The following COP1 variants were observed in gnomAD, a reference collection of about 807,000 sequenced individuals.
The protein encoded by COP1 is E3 ubiquitin-protein ligase COP1.
Under a neutral mutation model 101.3 loss-of-function variants are expected in COP1, and 24 were observed. That is an observed-to-expected ratio of 0.24 (90% CI 0.17 to 0.33). The LOEUF (loss-of-function observed/expected upper bound fraction) is 0.33. Among genes scored for constraint, COP1 ranks in the 10% least tolerant of loss-of-function variants. The pLI, the probability that COP1 is intolerant of heterozygous loss-of-function variation, is 1.00. For synonymous variants in COP1, 347 were observed against 341.9 expected, an observed-to-expected ratio of 1.01 and a Z score of -0.17; for missense variants, 663 against 906.2, an observed-to-expected ratio of 0.73 and a Z score of 3.45.
intron 5 of COP1, among the ~76,000 whole-genome samples, chr1:176,161,663 A>T (rs752720770): frequency 6.6e-6 from 1 of 152,080 alleles, no homozygotes; most frequent in Non-Finnish European, 1.5e-5. Flanking sequence ...TGCTTTACTG[A>T]TTTAGTTCAC....
At position 176,019,239 on chromosome 1, in the gene COP1, C is replaced by T. The variant is rs943810053; in HGVS notation, c.1729+8333G>A. On this transcript the variant is annotated intron_variant, in intron 15 of 19. Coordinates refer to ENST00000367669, the MANE Select transcript of COP1 (RefSeq NM_022457.7). ...CAGCACTTTGGGAGGCCGAGGCGGGCGGATCACGAGGTCAGGAGTTCGCGA... is the reference window on the plus strand; with the variant it reads ...CAGCACTTTGGGAGGCCGAGGCGGGTGGATCACGAGGTCAGGAGTTCGCGA... Among the ~76,000 whole-genome samples the T allele has an allele frequency of 1.7e-4, 25 of 151,214 alleles. No homozygotes were observed. In the Middle Eastern group the frequency reaches 0.01, roughly 63 times the overall value.
rs139623288 is a variant in COP1, at chr1:176,020,496, T to G, written c.1729+7076A>C. On this transcript the variant is annotated intron_variant, in intron 15 of 19. Coordinates refer to ENST00000367669, the MANE Select transcript of COP1 (RefSeq NM_022457.7). ...AAGTTCGAGTCCAGCCTGGCCAACA[T>G]GGTGAAACCCCATCTCTGCAAAACT... Among the ~76,000 whole-genome samples the G allele has an allele frequency of 1.7e-3, 257 of 151,954 alleles. 1 individual carries two copies. Among genetic ancestry groups the G allele is most frequent in the African/African-American group, 5.9e-3 (246 of 41,450 alleles).
intron 9 of COP1, among the ~76,000 whole-genome samples, chr1:176,113,960 T>TTA (rs397982029): frequency 2.0e-5 from 3 of 151,020 alleles, no homozygotes; most frequent in Admixed American, 6.6e-5. Context: ...TTTTTTTTTT[T>TTA]ATAGTTTGCA....
In COP1 at chr1:176,049,729, A is replaced by G. The variant is rs911198101; in HGVS notation, c.1278-3405T>C. On this transcript the variant is annotated intron_variant, in intron 11 of 19. Transcript: ENST00000367669. Reference sequence around the variant, plus strand: ...GAACATAATGAGATTCTAAAAACAGATCATGAACTAACTGAAATGAACACT... The same window carrying G: ...GAACATAATGAGATTCTAAAAACAGGTCATGAACTAACTGAAATGAACACT... Among the ~76,000 whole-genome samples the G allele has an allele frequency of 3.3e-5, 5 of 152,290 alleles. 1 individual carries two copies. In the South Asian group the frequency reaches 1.0e-3, roughly 32 times the overall value.
chr1:176,061,209 C>A (rs945598735), intron 11 of COP1, among the ~76,000 whole-genome samples: 1 of 152,092 alleles, frequency 6.6e-6, no homozygotes, highest in African/African-American at 2.4e-5. Context: ...TACAACAGAA[C>A]AGACAGTTAA....
intron 14 of COP1, among the ~76,000 whole-genome samples, chr1:176,036,517 A>C (rs74439428): frequency 6.7e-6 from 1 of 150,008 alleles, no homozygotes; most frequent in Non-Finnish European, 1.5e-5. Flanking sequence ...CAAAAAAAAA[A>C]AAAAAAAAAG....
intron 2 of COP1, among the ~76,000 whole-genome samples, chr1:176,181,582 C>T (rs1040930555): frequency 1.5e-4 from 23 of 152,120 alleles, no homozygotes; most frequent in Admixed American, 2.0e-4. Flanking sequence ...GTGGCTCACG[C>T]TTGTAATCCC....
intron 15 of COP1, among the ~76,000 whole-genome samples, chr1:176,007,040 G>A (rs1184288292): frequency 6.6e-6 from 1 of 152,048 alleles, no homozygotes; most frequent in Admixed American, 6.5e-5. Flanking sequence ...TGGAGGCTTT[G>A]CTCATTTCTT....
chr1:176,114,034 C>T lies in COP1; in HGVS notation c.1026+2590G>A, dbSNP rs1411614841. On this transcript the variant is annotated intron_variant, in intron 9 of 19. Transcript: ENST00000367669. ...TGGAGTGATCTTGCTTTTTGTTTCG[C>T]TTCATCAGTCACAGGGAGTAGCCTT... Among the ~76,000 whole-genome samples, 4 of 150,608 alleles carry T rather than the reference C, an allele frequency of 2.7e-5. No individual in the cohort carries two copies. In the Admixed American group the frequency reaches 2.7e-4, roughly 10 times the overall value.
chr1:175,952,839 CCTAGGAGTTTGAGGCTGCAGTGAG>C (rs1650121512), intron 18 of COP1, among the ~76,000 whole-genome samples: 1 of 152,120 alleles, frequency 6.6e-6, no homozygotes, highest in African/African-American at 2.4e-5. Flanking sequence ...ATCTCTTGAG[CCTAGGAGTTTGAGGCTGCAGTGAG>C]CTATGGTTGC....
In COP1 at chr1:176,205,585, C is replaced by T. The variant is rs1000857900; in HGVS notation, c.407+987G>A. 5.3e-5 allele frequency among the ~76,000 whole-genome samples: 8 copies of T among 152,156 alleles called. 1 individual carries two copies. The highest frequency in any genetic ancestry group is 2.0e-4 in the Admixed American group (3 of 15,280). ...AACAATTTCCTCAAAAAGGAAAGTA[C>T]GAAACACTACCACTTCTTAAGCAGC... On this transcript the variant is annotated intron_variant, in intron 1 of 19. Transcript: ENST00000367669.
At chr1:176,152,667 C>T (rs1183629162) in intron 5 of COP1, among the ~76,000 whole-genome samples, 3 of 152,056 alleles carry the variant, frequency 2.0e-5, no homozygotes, top group Admixed American at 6.6e-5. Flanking sequence ...AGGCTGGTCT[C>T]GAACTCCTAA....
chr1:176,011,237 A>G (rs1002466682), intron 15 of COP1, among the ~76,000 whole-genome samples: 2 of 152,206 alleles, frequency 1.3e-5, no homozygotes, highest in Non-Finnish European at 1.5e-5. Context: ...ATATAAAATT[A>G]AACTAAAACT....
intron 15 of COP1, among the ~76,000 whole-genome samples, chr1:176,003,712 T>A (rs1418289448): frequency 6.6e-6 from 1 of 151,728 alleles, no homozygotes; most frequent in Non-Finnish European, 1.5e-5. Flanking sequence ...TGATCTATAT[T>A]TCTGTTTTGG....
rs376081623 is a variant in COP1, at chr1:176,050,398, T to C, written c.1278-4074A>G. ...GTGAATTTTGTCAGTGTTTCCAATG[T>C]CTCTCATATCTTTTTGCAATTATAA... On this transcript the variant is annotated intron_variant, in intron 11 of 19. Coordinates refer to ENST00000367669, the MANE Select transcript of COP1 (RefSeq NM_022457.7). Among the ~76,000 whole-genome samples the C allele has an allele frequency of 1.2e-4, 19 of 152,348 alleles. No homozygotes were observed. In the East Asian group the frequency reaches 2.9e-3, roughly 23 times the overall value.
intron 15 of COP1, among the ~76,000 whole-genome samples, chr1:176,016,811 A>G (rs528509500): frequency 7.9e-5 from 12 of 152,298 alleles, no homozygotes; most frequent in Middle Eastern, 6.8e-3. Flanking sequence ...AAATTTATCT[A>G]CTTAAATCAG....
intron 14 of COP1, among the ~76,000 whole-genome samples, chr1:176,038,740 C>A (rs564059064): frequency 1.4e-4 from 21 of 151,862 alleles, no homozygotes; most frequent in Admixed American, 1.2e-3. Context: ...ATCGCTTGAA[C>A]CCGGGAGGCG....
rs568864054 is a variant in COP1, at chr1:176,193,162, G to C, written c.408-8470C>G. Among the ~76,000 whole-genome samples the C allele has an allele frequency of 5.3e-5, 8 of 152,174 alleles. No homozygotes were observed. The East Asian group carries it at 1.5e-3, about 29-fold the overall frequency. On this transcript the variant is annotated intron_variant, in intron 1 of 19. Transcript: ENST00000367669. The stretch of plus-strand genomic sequence containing the variant: ...AGAGTAATAAATGAATGGCCAACAA[G>C]CTCTTGAAAAGATGGTTAACCTCAC...
intron 11 of COP1, 24 bp from the exon 12 acceptor site, chr1:176,046,348 A>T: frequency 6.3e-7 from 1 of 1,596,552 alleles, no homozygotes; most frequent in South Asian, 1.1e-5. Flanking sequence ...GTATGTAATG[A>T]CAACATTTCA....
Sources: gnomAD v4.1 joint callset for allele counts (sites outside exome capture counted in the v4.1 genomes callset) on GRCh38, gnomAD v4.1.1 for gene constraint, MANE v1.5 for transcripts, NCBI Gene and HGNC (gene_info 2026-07-23, HGNC 2026-07-21) for gene names.